The following GRIK2 variants were observed in gnomAD, a reference collection of about 807,000 sequenced individuals.
The protein encoded by GRIK2 is glutamate receptor ionotropic, kainate 2.
Under a neutral mutation model 100.3 loss-of-function variants are expected in GRIK2, and 32 were observed. The ratio of observed to expected loss-of-function variants is 0.32; its 90% CI spans 0.24 to 0.43. The LOEUF (loss-of-function observed/expected upper bound fraction) is 0.43, where lower values mean the gene tolerates loss of function less well. Ranked by LOEUF, GRIK2 falls within the 20% of genes least tolerant of loss-of-function variation. The pLI is 1.00. For synonymous variants in GRIK2, 417 were observed against 389.4 expected, an observed-to-expected ratio of 1.07 and a Z score of -0.83; for missense variants, 843 against 1,114.9, an observed-to-expected ratio of 0.76 and a Z score of 3.47.
intron 2 of GRIK2, among the ~76,000 whole-genome samples, chr6:101,430,112 A>C (rs1769293896): frequency 6.6e-6 from 1 of 152,122 alleles, no homozygotes; most frequent in African/African-American, 2.4e-5. Context: ...CAGACTCACC[A>C]AACCACGGAC....
At chr6:101,442,129 T>C (rs535577968) in intron 2 of GRIK2, among the ~76,000 whole-genome samples, 87 of 152,228 alleles carry the variant, frequency 5.7e-4, no homozygotes, top group African/African-American at 2.0e-3. Context: ...AACCCCGGCT[T>C]TGGCCACAGA....
chr6:101,824,624 A>G (rs1333435116), intron 10 of GRIK2, among the ~76,000 whole-genome samples: 11 of 152,190 alleles, frequency 7.2e-5, no homozygotes, highest in African/African-American at 2.7e-4. Flanking sequence ...TTTGTTGACT[A>G]GTAACACTTT....
chr6:101,756,997 A>T (rs1220466167), intron 7 of GRIK2, among the ~76,000 whole-genome samples: 1 of 152,172 alleles, frequency 6.6e-6, no homozygotes, highest in Non-Finnish European at 1.5e-5. Flanking sequence ...ACCTTCTGAA[A>T]CTTGTAAGTA....
chr6:101,978,822 A>T (rs1304486443), intron 14 of GRIK2, among the ~76,000 whole-genome samples: 1 of 152,040 alleles, frequency 6.6e-6, no homozygotes, highest in East Asian at 1.9e-4. Context: ...TTATTTACTA[A>T]CAATAAATAA....
intron 7 of GRIK2, among the ~76,000 whole-genome samples, chr6:101,775,549 GAGATATA>G (rs1778689266): frequency 5.5e-4 from 2 of 3,628 alleles, no homozygotes; most frequent in Non-Finnish European, 3.2e-3. Flanking sequence ...ATATGTGTGT[GAGATATA>G]TATATACACA....
At chr6:101,420,483 A>T (rs901738650) in intron 2 of GRIK2, among the ~76,000 whole-genome samples, 1 of 152,204 alleles carries the variant, frequency 6.6e-6, no homozygotes, top group Admixed American at 6.5e-5. Context: ...AGTTCTTAAA[A>T]TGTGGCCTCT....
intron 2 of GRIK2, among the ~76,000 whole-genome samples, chr6:101,479,904 C>T (rs1772440347): frequency 6.6e-6 from 1 of 152,050 alleles, no homozygotes; most frequent in African/African-American, 2.4e-5. Context: ...GAAAAGACTA[C>T]AAATTTGATA....
chr6:101,633,508 C>T (rs1413586504), intron 4 of GRIK2, among the ~76,000 whole-genome samples: 3 of 152,080 alleles, frequency 2.0e-5, no homozygotes, highest in Non-Finnish European at 4.4e-5. Flanking sequence ...GGAAACATAA[C>T]AAGAATTTAA....
Position 101,991,834 on chromosome 6 carries a change from C to T in GRIK2, c.2086-43507C>T, listed in dbSNP as rs367899108. ...AAAGTTCTATGTTTTCCTCTTGCTT[C>T]TTTAGCAACCATATCAACATGCTTT... On this transcript the variant is annotated intron_variant, in intron 14 of 16. Transcript: ENST00000369134. 4.0e-5 allele frequency among the ~76,000 whole-genome samples: 6 copies of T among 151,548 alleles called. 1 individual carries two copies. The highest frequency in any genetic ancestry group is 1.4e-4 in the African/African-American group (6 of 41,492).
chr6:101,395,680 G>T (rs1043809277), intron 1 of GRIK2, among the ~76,000 whole-genome samples: 4 of 151,848 alleles, frequency 2.6e-5, no homozygotes, highest in Non-Finnish European at 2.9e-5. Flanking sequence ...AAGCTAGTGG[G>T]TTTTTTTGTT....
intron 14 of GRIK2, among the ~76,000 whole-genome samples, chr6:102,032,644 CTCTCA>C (rs1770058622): frequency 6.6e-6 from 1 of 151,326 alleles, no homozygotes; most frequent in South Asian, 2.1e-4. Flanking sequence ...TGAGTGCTTT[CTCTCA>C]TATTAGAGAG....
At chr6:101,655,626 A>C (rs1337417) in intron 4 of GRIK2, among the ~76,000 whole-genome samples, 14,606 of 152,108 alleles carry the variant, frequency 0.096, 805 homozygotes, top group East Asian at 0.26. Context: ...ATTAAAGCAA[A>C]AATAAATCAT....
chr6:101,455,514 C>T (rs1582488850), intron 2 of GRIK2, among the ~76,000 whole-genome samples: 1 of 151,856 alleles, frequency 6.6e-6, no homozygotes, highest in African/African-American at 2.4e-5. Context: ...GAGCAGGCTA[C>T]ATTATTAATA....
chr6:101,535,191 G>A (rs1160422989), intron 2 of GRIK2, among the ~76,000 whole-genome samples: 1 of 151,678 alleles, frequency 6.6e-6, no homozygotes, highest in Non-Finnish European at 1.5e-5. Flanking sequence ...CACTAAAATG[G>A]TGTGTCAGAG....
chr6:101,866,900 TTGTGTG>T (rs60775585), intron 11 of GRIK2, among the ~76,000 whole-genome samples: 2 of 149,428 alleles, frequency 1.3e-5, no homozygotes, highest in East Asian at 3.9e-4. Context: ...CTTAATTTCA[TTGTGTG>T]TGTGTGTGTG....
At chr6:101,894,233 A>C (rs960918346) in intron 12 of GRIK2, among the ~76,000 whole-genome samples, 2 of 151,808 alleles carry the variant, frequency 1.3e-5, no homozygotes, top group African/African-American at 4.8e-5. Flanking sequence ...AAAATATCTA[A>C]GAATACTTAA....
chr6:101,717,483 T>C (rs895191357), intron 7 of GRIK2, among the ~76,000 whole-genome samples: 1 of 151,818 alleles, frequency 6.6e-6, no homozygotes, highest in Non-Finnish European at 1.5e-5. Context: ...TTCTCTTAAT[T>C]GGGAAGAAAT....
At chr6:101,886,653 G>T (rs1170471141) in intron 11 of GRIK2, among the ~76,000 whole-genome samples, 1 of 151,448 alleles carries the variant, frequency 6.6e-6, no homozygotes, top group Non-Finnish European at 1.5e-5. Context: ...CATTTTTCAA[G>T]AATGCAATAT....
At chr6:101,931,974 A>G (rs1181994275) in intron 14 of GRIK2, among the ~76,000 whole-genome samples, 2 of 152,074 alleles carry the variant, frequency 1.3e-5, no homozygotes, top group Non-Finnish European at 2.9e-5. Context: ...ACCAAGCAAC[A>G]GGAACATTCT....
Sources: allele counts gnomAD v4.1 joint callset (sites outside exome capture counted in the v4.1 genomes callset), GRCh38; gene constraint gnomAD v4.1.1; transcripts MANE v1.5; gene names NCBI Gene and HGNC (gene_info 2026-07-23, HGNC 2026-07-21).